SV2B: variants seen among roughly 807,000 people sequenced by gnomAD.
SV2B encodes solute carrier family 22 member B2.
A neutral mutation model predicts 73.9 loss-of-function variants in SV2B; 41 were observed. That is an observed-to-expected ratio of 0.56 (90% CI 0.43 to 0.72). SV2B has a LOEUF of 0.72. SV2B is among the 30% of genes least tolerant of loss of function. SV2B has a pLI of 0.00. For missense variants in SV2B, 764 were observed against 857.8 expected, an observed-to-expected ratio of 0.89 and a Z score of 1.37; for synonymous variants, 314 against 314.2, an observed-to-expected ratio of 1.00 and a Z score of 0.01.
At position 91,122,617 on chromosome 15, in the gene SV2B, G is replaced by A. The variant is rs1017686695; in HGVS notation, c.-392+22254G>A. On this transcript the variant is annotated intron_variant, in intron 1 of 12. Coordinates refer to ENST00000394232, the MANE Select transcript of SV2B (RefSeq NM_001323032.3). The surrounding 1 kb of genome is among the most constrained non-coding windows in gnomAD (Gnocchi z 4.3). ...TCTGAGTGATTTAACAAAACTGGAC[G>A]TTCCATTAAGATACTTTGCACCTGG... 5.3e-5 allele frequency among the ~76,000 whole-genome samples: 8 copies of A among 152,148 alleles called. No homozygotes were observed. Among genetic ancestry groups the A allele is most frequent in the East Asian group, 3.8e-4 (2 of 5,198 alleles).
rs1233615953 is a variant in SV2B, at chr15:91,197,249, A to G, written c.-391-28624A>G. Reference sequence around the variant, plus strand: ...TTGTTTTGTTTTGTTTTGTTTTGAGACAGAGTTTCATTCTCGTTGCCCAGG... The same window carrying G: ...TTGTTTTGTTTTGTTTTGTTTTGAGGCAGAGTTTCATTCTCGTTGCCCAGG... On this transcript the variant is annotated intron_variant, in intron 1 of 12. Transcript: ENST00000394232. This position sits in a 1 kb window ranked among gnomAD's most constrained non-coding sequence, Gnocchi z 4.9. Among the ~76,000 whole-genome samples the G allele has an allele frequency of 6.8e-6, 1 of 147,276 alleles. No homozygotes were observed. Among genetic ancestry groups the G allele is most frequent in the Non-Finnish European group, 1.5e-5 (1 of 67,920 alleles).
In SV2B at chr15:91,281,852, T is replaced by C; in HGVS notation, c.1498T>C (p.Tyr500His). The C allele has an allele frequency of 6.2e-7, 1 of 1,610,990 alleles. No individual in the cohort carries two copies. The highest frequency in any genetic ancestry group is 8.5e-7 in the Non-Finnish European group (1 of 1,178,388). ...KNCTIESTIF[Y>H]NTDLYEHKFI... is the part of the protein sequence containing the mutation. ...TTGTACCATTGAATCAACCATCTTT[T>C]ACAACACAGGTAGGTAAGAACATTG... Residue 500 changes from tyrosine (Y) to histidine (H), a missense_variant, in exon 10 of 13, where the codon TAC becomes CAC. Coordinates refer to ENST00000394232, the MANE Select transcript of SV2B (RefSeq NM_001323032.3). This position sits in a 1 kb window ranked among gnomAD's most constrained non-coding sequence, Gnocchi z 4.7.
At chr15:91,235,194 G>C (rs2046731826) in intron 2 of SV2B, among the ~76,000 whole-genome samples, 1 of 152,224 alleles carries the variant, frequency 6.6e-6, no homozygotes, top group Non-Finnish European at 1.5e-5. Flanking sequence ...GGTAATAGTA[G>C]AAGCCATTTG....
At chr15:91,166,733 C>T (rs947897907) in intron 1 of SV2B, among the ~76,000 whole-genome samples, 1 of 151,786 alleles carries the variant, frequency 6.6e-6, no homozygotes, top group African/African-American at 2.4e-5. Flanking sequence ...ATGTTTATTC[C>T]TCTGTTGAAT....
intron 1 of SV2B, among the ~76,000 whole-genome samples, chr15:91,194,027 A>C (rs1357429094): frequency 6.6e-6 from 1 of 151,762 alleles, no homozygotes; most frequent in African/African-American, 2.4e-5. Context: ...TTTGTTTTTA[A>C]TAGGAACCTG....
At chr15:91,164,755 A>G (rs2043849345) in intron 1 of SV2B, among the ~76,000 whole-genome samples, 1 of 152,178 alleles carries the variant, frequency 6.6e-6, no homozygotes, top group Non-Finnish European at 1.5e-5. Flanking sequence ...AACATTTTAT[A>G]TTTCTATATA....
chr15:91,201,256 C>T (rs16945352), intron 1 of SV2B, among the ~76,000 whole-genome samples: 1,900 of 152,226 alleles, frequency 0.012, 42 homozygotes, highest in African/African-American at 0.044. Flanking sequence ...AGTGTTACAT[C>T]CGTTGGGAAC....
At chr15:91,260,725 A>T (rs1164814009) in intron 6 of SV2B, among the ~76,000 whole-genome samples, 1 of 152,118 alleles carries the variant, frequency 6.6e-6, no homozygotes, top group Non-Finnish European at 1.5e-5. Context: ...AAGAAAAAGA[A>T]GTTTAATTGG....
chr15:91,282,472 G>T (rs2048713846), intron 10 of SV2B, among the ~76,000 whole-genome samples: 1 of 152,104 alleles, frequency 6.6e-6, no homozygotes, highest in Non-Finnish European at 1.5e-5. Context: ...AGTGAAGTCG[G>T]GGTATAAGGA....
intron 1 of SV2B, among the ~76,000 whole-genome samples, chr15:91,199,766 C>T (rs555066200): frequency 1.8e-4 from 27 of 152,148 alleles, no homozygotes; most frequent in African/African-American, 6.0e-4. Context: ...ACGCACACAG[C>T]GGGGATGAGG....
chr15:91,158,633 C>CCTTTTCTCTT (rs767357230), intron 1 of SV2B, among the ~76,000 whole-genome samples: 2,493 of 54,130 alleles, frequency 0.046, 512 homozygotes, highest in African/African-American at 0.089. Context: ...TTTTATTTTC[C>CCTTTTCTCTT]CTCTTCTCTT....
Position 91,298,258 on chromosome 15 carries a change from C to T in SV2B, c.*5706C>T, listed in dbSNP as rs2049320642. The T allele has an allele frequency of 6.6e-6, 1 of 152,086 alleles. No individual in the cohort carries two copies. Among genetic ancestry groups the T allele is most frequent in the African/African-American group, 2.4e-5 (1 of 41,418 alleles). The allele number at this position is 152,086 out of a possible 1,614,324, so 9.4% of individuals were successfully genotyped here. ...CTGTGTGTCTTGTGCTATGCTAGGTCTCTCTCTCTCTAAGTGGACTCTGAC... is the reference window on the plus strand; with the variant it reads ...CTGTGTGTCTTGTGCTATGCTAGGTTTCTCTCTCTCTAAGTGGACTCTGAC... On this transcript the variant is annotated 3_prime_UTR_variant, in exon 13 of 13. Transcript: ENST00000394232. This position sits in a 1 kb window ranked among gnomAD's most constrained non-coding sequence, Gnocchi z 5.4.
rs1158846727 is a variant in SV2B at position 91,140,163 on chromosome 15, C to T, written c.-392+39800C>T. 6.6e-6 allele frequency among the ~76,000 whole-genome samples: 1 copy of T among 152,198 alleles called. No homozygotes were observed. On this transcript the variant is annotated intron_variant, in intron 1 of 12. Transcript: ENST00000394232. The surrounding 1 kb of genome is among the most constrained non-coding windows in gnomAD (Gnocchi z 4.4). ...ACTGGTGTAGGCAAACATTTCTGAG[C>T]TGTTGTCCATCCAGCTATTAACAAA...
At chr15:91,209,294 G>C (rs1319436269) in intron 1 of SV2B, among the ~76,000 whole-genome samples, 1 of 151,804 alleles carries the variant, frequency 6.6e-6, no homozygotes, top group South Asian at 2.1e-4. Flanking sequence ...GCTAATTTTT[G>C]TATTTTTAGT....
At chr15:91,163,462 G>T (rs1354256909) in intron 1 of SV2B, among the ~76,000 whole-genome samples, 4 of 152,180 alleles carry the variant, frequency 2.6e-5, no homozygotes, top group South Asian at 4.1e-4. Flanking sequence ...CATTCTAACT[G>T]GTGTGAGATG....
At chr15:91,131,492 T>C (rs1293692423) in intron 1 of SV2B, among the ~76,000 whole-genome samples, 1 of 152,058 alleles carries the variant, frequency 6.6e-6, no homozygotes, top group Admixed American at 6.6e-5. Context: ...TTTGGCAGCC[T>C]AAGTAATGGG....
At position 91,140,641 on chromosome 15, in the gene SV2B, T is replaced by A. The variant is rs2042972028; in HGVS notation, c.-392+40278T>A. Among the ~76,000 whole-genome samples the A allele has an allele frequency of 6.6e-6, 1 of 152,200 alleles. No individual in the cohort carries two copies. The highest frequency in any genetic ancestry group is 2.4e-5 in the African/African-American group (1 of 41,448). ...CCTCCAACAGAGTGGAGAACATGTC[T>A]GACAGTCAGTTTTTCTTTCCACACT... On this transcript the variant is annotated intron_variant, in intron 1 of 12. Transcript: ENST00000394232. The surrounding 1 kb of genome is among the most constrained non-coding windows in gnomAD (Gnocchi z 4.4).
chr15:91,189,140 GT>G (rs200804751), intron 1 of SV2B, among the ~76,000 whole-genome samples: 4 of 151,680 alleles, frequency 2.6e-5, no homozygotes, highest in African/African-American at 9.7e-5. Context: ...TTCTACCTCA[GT>G]TTTTTTTCTC....
intron 1 of SV2B, among the ~76,000 whole-genome samples, chr15:91,187,424 T>G (rs529779128): frequency 6.6e-6 from 1 of 152,354 alleles, no homozygotes; most frequent in African/African-American, 2.4e-5. Flanking sequence ...CTTACCAGCA[T>G]GTGAAAGTAG....
Sources: gnomAD v4.1 joint callset for allele counts (sites outside exome capture counted in the v4.1 genomes callset) on GRCh38, gnomAD v4.1.1 for gene constraint, Gnocchi (gnomAD v3.1) non-coding constraint, MANE v1.5 for transcripts, NCBI Gene and HGNC (gene_info 2026-07-23, HGNC 2026-07-21) for gene names.